SPANXN3: variants seen among roughly 807,000 people sequenced by gnomAD.
The protein encoded by SPANXN3 is SPANX family member N3.
In SPANXN3, 1 loss-of-function variant was observed where a neutral mutation model predicts 1.9. The ratio of observed to expected loss-of-function variants is 0.54; its 90% CI spans 0.19 to 2.54. The LOEUF (loss-of-function observed/expected upper bound fraction) is 2.54. Among genes scored for constraint, SPANXN3 ranks in the 30% most tolerant of loss-of-function variants. SPANXN3 has a pLI of 0.24. For synonymous variants in SPANXN3, 47 were observed against 40.0 expected (o/e 1.17, Z -0.66); for missense variants, 113 against 96.2 (o/e 1.17, Z -0.73).
intron 1 of SPANXN3, among the ~76,000 whole-genome samples, chrX:143,510,474 G>A (rs1199450173): frequency 3.6e-5 from 4 of 111,338 alleles, no homozygotes; most frequent in African/African-American, 1.3e-4. Flanking sequence ...ACTCCCCTCT[G>A]GGGTATTCAC....
At chrX:143,510,629 T>G (rs1255990495) in intron 1 of SPANXN3, among the ~76,000 whole-genome samples, 2 of 112,214 alleles carry the variant, frequency 1.8e-5, no homozygotes, top group Non-Finnish European at 3.8e-5. Flanking sequence ...TGATCTGAAG[T>G]GCTTTGCTTA....
intron 1 of SPANXN3, among the ~76,000 whole-genome samples, chrX:143,511,866 CA>C (rs1284415275): frequency 9.0e-6 from 1 of 111,362 alleles, no homozygotes; most frequent in Non-Finnish European, 1.9e-5. Context: ...TAGAGTCCAC[CA>C]CCCCTACTGC....
chrX:143,513,277 G>A (rs1195087813), intron 1 of SPANXN3, among the ~76,000 whole-genome samples: 1 of 111,796 alleles, frequency 8.9e-6, no homozygotes, highest in Non-Finnish European at 1.9e-5. Context: ...CACAGGGACT[G>A]CCCAACCTCA....
chrX:143,511,828 C>T (rs1929098814), intron 1 of SPANXN3, among the ~76,000 whole-genome samples: 1 of 111,218 alleles, frequency 9.0e-6, no homozygotes. Context: ...TCTAGCTTCA[C>T]CACCTGTACC....
chrX:143,515,488 T>G (rs1230719733), intron 1 of SPANXN3, among the ~76,000 whole-genome samples: 4 of 111,419 alleles, frequency 3.6e-5, no homozygotes, highest in Non-Finnish European at 5.7e-5. Context: ...GAATAGTCCA[T>G]GCCAATTCGT....
intron 1 of SPANXN3, among the ~76,000 whole-genome samples, chrX:143,513,029 G>C (rs1194932092): frequency 9.0e-6 from 1 of 111,382 alleles, no homozygotes; most frequent in African/African-American, 3.3e-5. Context: ...CCTAATTCTC[G>C]AGCCATCCCA....
chrX:143,510,982 G>A (rs1929078105), intron 1 of SPANXN3, among the ~76,000 whole-genome samples: 2 of 111,767 alleles, frequency 1.8e-5, no homozygotes, highest in Non-Finnish European at 3.8e-5. Context: ...AGGACTGAAG[G>A]CATAATCTGA....
intron 1 of SPANXN3, among the ~76,000 whole-genome samples, chrX:143,516,153 C>T (rs1465344495): frequency 1.8e-5 from 2 of 112,263 alleles, no homozygotes; most frequent in African/African-American, 6.5e-5. Context: ...TCTCCTCCAC[C>T]ACCAACATTT....
intron 1 of SPANXN3, among the ~76,000 whole-genome samples, chrX:143,516,090 AT>A: frequency 8.9e-6 from 1 of 112,113 alleles, no homozygotes; most frequent in Non-Finnish European, 1.9e-5. Context: ...TACAATGGCT[AT>A]TAGTTACAAA....
intron 1 of SPANXN3, among the ~76,000 whole-genome samples, chrX:143,514,663 G>A (rs139003985): frequency 0.097 from 10,698 of 110,571 alleles, 437 homozygotes; most frequent in African/African-American, 0.16. Context: ...ACAGACCATT[G>A]CTTCTATTCT....
chrX:143,512,935 G>A (rs1929127678), intron 1 of SPANXN3, among the ~76,000 whole-genome samples: 1 of 111,265 alleles, frequency 9.0e-6, no homozygotes, highest in Admixed American at 9.5e-5. Flanking sequence ...GAAATCTCAG[G>A]TAGCCCAAAC....
In SPANXN3 at chrX:143,509,020, T is replaced by G; in HGVS notation, c.221A>C (p.Gln74Pro). 8.2e-7 allele frequency: 1 copy of G among 1,212,144 alleles called. No homozygotes were observed. The highest frequency in any genetic ancestry group is 1.1e-6 in the Non-Finnish European group (1 of 895,583). ...TTGGATTGGATTGATGGAGTTCTCT[T>G]GGGACTGTTCATTCTCCAGTTGATT... ...NSNQLENEQS[Q>P]ENSINPIQKE... is the part of the protein sequence containing the mutation. Residue 74 changes from glutamine to proline, a missense_variant, in exon 2 of 2, where the codon CAA becomes CCA. By Grantham distance (76) the Gln-to-Pro change is moderately conservative. Coordinates refer to ENST00000370503, the MANE Select transcript of SPANXN3 (RefSeq NM_001009609.4).
intron 1 of SPANXN3, among the ~76,000 whole-genome samples, chrX:143,514,004 C>A (rs1199546492): frequency 1.6e-4 from 18 of 112,002 alleles, no homozygotes; most frequent in South Asian, 3.8e-4. Flanking sequence ...CTTCATCTGG[C>A]AGGAACAGGG....
chrX:143,516,142 A>G (rs781786770), intron 1 of SPANXN3, among the ~76,000 whole-genome samples: 1 of 111,897 alleles, frequency 8.9e-6, no homozygotes, highest in South Asian at 3.7e-4. Flanking sequence ...AACAGCCTCC[A>G]TCTCCTCCAC....
At chrX:143,513,270 A>C (rs1439540173) in intron 1 of SPANXN3, among the ~76,000 whole-genome samples, 1 of 111,912 alleles carries the variant, frequency 8.9e-6, no homozygotes. Context: ...GCCCTGGCAC[A>C]GGGACTGCCC....
At chrX:143,514,123 C>T (rs1929162001) in intron 1 of SPANXN3, among the ~76,000 whole-genome samples, 1 of 111,878 alleles carries the variant, frequency 8.9e-6, no homozygotes, top group South Asian at 3.8e-4. Context: ...GCAAGGGGTG[C>T]CGAAAGTCTA....
intron 1 of SPANXN3, among the ~76,000 whole-genome samples, chrX:143,515,676 T>C (rs1929199316): frequency 9.2e-6 from 1 of 108,634 alleles, no homozygotes; most frequent in Non-Finnish European, 1.9e-5. Context: ...TCAGTCACAC[T>C]CCCCTCTTCC....
At chrX:143,513,392 C>T (rs1556412034) in intron 1 of SPANXN3, among the ~76,000 whole-genome samples, 1 of 112,196 alleles carries the variant, frequency 8.9e-6, no homozygotes, top group African/African-American at 3.2e-5. Flanking sequence ...TCTCTCAAAA[C>T]AACTGGACTC....
rs782397836 is a variant in SPANXN3 at position 143,509,396 on chromosome X, G to A, written c.79-234C>T. Among the ~76,000 whole-genome samples the A allele has an allele frequency of 2.7e-5, 3 of 111,234 alleles. No individual in the cohort carries two copies. In the South Asian group the frequency reaches 1.2e-3, roughly 43 times the overall value. ...TTTTGTAAGTTTTTGCTATGTTGCA[G>A]ACCTTGGTCAAAGTGAAACATTCCA... On this transcript the variant is annotated intron_variant, in intron 1 of 1. Coordinates refer to ENST00000370503, the MANE Select transcript of SPANXN3 (RefSeq NM_001009609.4).
Sources: allele counts gnomAD v4.1 joint callset (sites outside exome capture counted in the v4.1 genomes callset), GRCh38; gene constraint gnomAD v4.1.1; transcripts MANE v1.5; gene names NCBI Gene and HGNC (gene_info 2026-07-23, HGNC 2026-07-21).